The following CCSER1 variants were observed in gnomAD, a reference collection of about 807,000 sequenced individuals.
CCSER1 encodes serine-rich coiled-coil domain-containing protein 1.
In CCSER1, 41 loss-of-function variants were observed where a neutral mutation model predicts 82.0. The observed-to-expected ratio is 0.50, with a 90% CI of 0.39 to 0.65. The LOEUF (loss-of-function observed/expected upper bound fraction) is 0.65, where lower values mean the gene tolerates loss of function less well. CCSER1 is among the 30% of genes least tolerant of loss of function. The pLI is 0.00. For synonymous variants in CCSER1, 414 were observed against 383.9 expected (o/e 1.08, Z -0.92); for missense variants, 1,119 against 1,064.2 (o/e 1.05, Z -0.72).
chr4:90,442,059 G>A (rs77697051), intron 4 of CCSER1, among the ~76,000 whole-genome samples: 2,576 of 152,190 alleles, frequency 0.017, 71 homozygotes, highest in African/African-American at 0.059. Context: ...AAAAGAAAAA[G>A]ATGAACACAA....
intron 3 of CCSER1, among the ~76,000 whole-genome samples, chr4:90,318,288 T>C (rs1736526889): frequency 6.6e-6 from 1 of 152,256 alleles, no homozygotes; most frequent in Non-Finnish European, 1.5e-5. Flanking sequence ...AAGGAATCTT[T>C]ACTATTTTTG....
intron 1 of CCSER1, among the ~76,000 whole-genome samples, chr4:90,196,096 CT>C (rs5860192): frequency 4.8e-3 from 596 of 124,258 alleles, no homozygotes; most frequent in Middle Eastern, 9.0e-3. Context: ...ACTTTCCTAG[CT>C]TTTTTTTTTT....
At chr4:90,899,896 ACTTATAGTTTT>A (rs1231262116) in intron 8 of CCSER1, among the ~76,000 whole-genome samples, 1 of 151,630 alleles carries the variant, frequency 6.6e-6, no homozygotes, top group African/African-American at 2.4e-5. Context: ...AGGGATGTTG[ACTTATAGTTTT>A]CTTTTTCTGT....
chr4:91,308,522 A>G (rs1412558066), intron 10 of CCSER1, among the ~76,000 whole-genome samples: 1 of 152,032 alleles, frequency 6.6e-6, no homozygotes, highest in Non-Finnish European at 1.5e-5. Context: ...AAGTAGAAGA[A>G]TCTTTGCTAA....
intron 3 of CCSER1, among the ~76,000 whole-genome samples, chr4:90,393,245 G>A (rs1751467961): frequency 1.3e-5 from 2 of 152,136 alleles, no homozygotes; most frequent in Admixed American, 1.3e-4. Context: ...TAATTGTAAG[G>A]TAAGTCTCAG....
At chr4:90,809,678 A>G (rs1245247823) in intron 7 of CCSER1, among the ~76,000 whole-genome samples, 2 of 152,062 alleles carry the variant, frequency 1.3e-5, no homozygotes, top group Non-Finnish European at 2.9e-5. Context: ...CCCTAAAGCT[A>G]TAGAAATAAT....
intron 10 of CCSER1, among the ~76,000 whole-genome samples, chr4:91,505,997 GA>G (rs1759463687): frequency 6.6e-6 from 1 of 152,108 alleles, no homozygotes; most frequent in Admixed American, 6.6e-5. Flanking sequence ...TTTTTGTCAT[GA>G]AATCTTTGCC....
At chr4:90,404,969 AAAAGACCATACC>A (rs1262378584) in intron 4 of CCSER1, among the ~76,000 whole-genome samples, 8 of 152,172 alleles carry the variant, frequency 5.3e-5, no homozygotes, top group Non-Finnish European at 1.2e-4. Context: ...TAACGTTCCC[AAAAGACCATACC>A]AGCTCACCAG....
chr4:90,318,394 A>G (rs1005838700), intron 3 of CCSER1, among the ~76,000 whole-genome samples: 3 of 152,120 alleles, frequency 2.0e-5, no homozygotes, highest in South Asian at 4.1e-4. Context: ...GCCCTGTACT[A>G]TTTGTGCTAA....
intron 10 of CCSER1, among the ~76,000 whole-genome samples, chr4:91,483,013 C>T (rs902598318): frequency 5.3e-5 from 8 of 151,752 alleles, no homozygotes; most frequent in African/African-American, 1.9e-4. Context: ...TTAATGGGTG[C>T]AGCACACCAA....
intron 5 of CCSER1, among the ~76,000 whole-genome samples, chr4:90,609,568 C>CACA (rs148200298): frequency 0.014 from 2,072 of 152,188 alleles, 53 homozygotes; most frequent in African/African-American, 0.048. Flanking sequence ...GAATACATGA[C>CACA]ACAACTATTT....
chr4:90,918,233 C>T, intron 8 of CCSER1: 1 of 455,156 alleles, frequency 2.2e-6, no homozygotes, highest in Non-Finnish European at 4.4e-6. Flanking sequence ...ATTATAGATT[C>T]TAAAGCAAAC....
chr4:91,581,618 GA>G (rs1220381721), intron 10 of CCSER1, among the ~76,000 whole-genome samples: 4 of 151,638 alleles, frequency 2.6e-5, no homozygotes, highest in Admixed American at 6.6e-5. Context: ...GATTTAACCT[GA>G]ATTGTGAATT....
intron 10 of CCSER1, among the ~76,000 whole-genome samples, chr4:91,338,409 T>C (rs1362532801): frequency 6.6e-6 from 1 of 152,150 alleles, no homozygotes; most frequent in African/African-American, 2.4e-5. Flanking sequence ...GCGTGACTTC[T>C]GGAGTTAAGG....
At chr4:90,305,455 C>T (rs538697644) in intron 1 of CCSER1, among the ~76,000 whole-genome samples, 12 of 152,054 alleles carry the variant, frequency 7.9e-5, no homozygotes, top group African/African-American at 2.2e-4. Flanking sequence ...TGAAAAATAT[C>T]GTGGCTGTAA....
At chr4:90,890,082 G>T (rs1722742457) in intron 8 of CCSER1, among the ~76,000 whole-genome samples, 1 of 152,002 alleles carries the variant, frequency 6.6e-6, no homozygotes, top group African/African-American at 2.4e-5. Flanking sequence ...AGTCAAAATT[G>T]CCTCCGTGTA....
chr4:91,490,873 C>T (rs866456610), intron 10 of CCSER1, among the ~76,000 whole-genome samples: 1 of 16,398 alleles, frequency 6.1e-5, no homozygotes, highest in Non-Finnish European at 1.5e-4. Context: ...TCAGGCACTC[C>T]ATATATATAT....
intron 9 of CCSER1, among the ~76,000 whole-genome samples, chr4:90,964,641 C>T (rs776166947): frequency 7.0e-5 from 10 of 142,768 alleles, no homozygotes; most frequent in Non-Finnish European, 1.3e-4. Context: ...AGGAGAATGG[C>T]ATGAACCCGG....
intron 3 of CCSER1, among the ~76,000 whole-genome samples, chr4:90,346,945 A>G (rs994204092): frequency 6.6e-6 from 1 of 152,164 alleles, no homozygotes; most frequent in Non-Finnish European, 1.5e-5. Flanking sequence ...AAGAAATAGT[A>G]AACTTCCCAT....
Sources: allele counts gnomAD v4.1 joint callset (sites outside exome capture counted in the v4.1 genomes callset), GRCh38; gene constraint gnomAD v4.1.1; transcripts MANE v1.5; gene names NCBI Gene and HGNC (gene_info 2026-07-23, HGNC 2026-07-21).